The following WDPCP variants were observed in gnomAD, a reference collection of about 807,000 sequenced individuals.
WDPCP encodes the protein WD repeat containing planar cell polarity effector.
Under a neutral mutation model 93.1 loss-of-function variants are expected in WDPCP, and 71 were observed. That is an observed-to-expected ratio of 0.76 (90% CI 0.63 to 0.93). WDPCP has a LOEUF of 0.93. Among genes scored for constraint, WDPCP ranks in the 40% least tolerant of loss-of-function variants. WDPCP has a pLI of 0.00. For synonymous variants in WDPCP, 315 were observed against 315.0 expected (o/e 1.00, Z 0.00); for missense variants, 844 against 887.4 (o/e 0.95, Z 0.62).
chr2:63,763,404 G>T (rs187597101), intron 2 of WDPCP, among the ~76,000 whole-genome samples: 169 of 151,628 alleles, frequency 1.1e-3, no homozygotes, highest in African/African-American at 4.0e-3. Flanking sequence ...TCAGGAGGCT[G>T]AGGCAGAGAA....
intron 12 of WDPCP, among the ~76,000 whole-genome samples, chr2:63,370,567 A>G (rs904756127): frequency 6.6e-6 from 1 of 150,988 alleles, no homozygotes; most frequent in African/African-American, 2.4e-5. Context: ...AAAAAGGACT[A>G]AAAAAAAACA....
intron 3 of WDPCP, among the ~76,000 whole-genome samples, chr2:63,640,359 C>T (rs1709967869): frequency 6.6e-6 from 1 of 152,116 alleles, no homozygotes; most frequent in Non-Finnish European, 1.5e-5. Flanking sequence ...CTGCATGTAG[C>T]AGTGTTCCCC....
chr2:63,381,533 G>C (rs1692308537), intron 11 of WDPCP, among the ~76,000 whole-genome samples: 1 of 152,102 alleles, frequency 6.6e-6, no homozygotes, highest in Admixed American at 6.6e-5. Context: ...TCTAATGTGA[G>C]GGAGGAATAA....
intron 1 of WDPCP, among the ~76,000 whole-genome samples, chr2:63,574,211 C>A (rs996612417): frequency 5.3e-5 from 8 of 152,152 alleles, no homozygotes; most frequent in Non-Finnish European, 1.0e-4. Flanking sequence ...TAATAAAAAC[C>A]TGCTGGTTTT....
At chr2:63,395,113 C>A (rs1408952664) in intron 10 of WDPCP, among the ~76,000 whole-genome samples, 1 of 152,128 alleles carries the variant, frequency 6.6e-6, no homozygotes, top group Non-Finnish European at 1.5e-5. Flanking sequence ...GAAATACATA[C>A]TAACGTTGAA....
intron 2 of WDPCP, among the ~76,000 whole-genome samples, chr2:63,492,413 G>A (rs1317056328): frequency 1.3e-5 from 2 of 150,676 alleles, no homozygotes; most frequent in Admixed American, 6.6e-5. Flanking sequence ...TAGCTATCCT[G>A]TAAATATTTA....
At chr2:63,205,066 T>A (rs1481154130) in intron 14 of WDPCP, among the ~76,000 whole-genome samples, 2 of 152,212 alleles carry the variant, frequency 1.3e-5, no homozygotes, top group African/African-American at 2.4e-5. Context: ...CATATGGATA[T>A]CCAGTTTTCC....
At chr2:63,214,316 T>G (rs1039396031) in intron 14 of WDPCP, among the ~76,000 whole-genome samples, 5 of 152,110 alleles carry the variant, frequency 3.3e-5, no homozygotes, top group African/African-American at 1.2e-4. Context: ...GGCTGGTTCA[T>G]TATATGCAAA....
chr2:63,243,453 C>A (rs1277975078), intron 14 of WDPCP, among the ~76,000 whole-genome samples: 2 of 151,992 alleles, frequency 1.3e-5, no homozygotes, highest in East Asian at 3.9e-4. Flanking sequence ...AGTTTGTGAA[C>A]ATCTCCCATT....
intron 9 of WDPCP, among the ~76,000 whole-genome samples, chr2:63,424,272 G>A (rs1026419122): frequency 6.0e-5 from 9 of 150,856 alleles, no homozygotes; most frequent in African/African-American, 2.2e-4. Flanking sequence ...GTGGGAGAGG[G>A]GGTGTGCGTC....
At chr2:63,345,350 G>A (rs558956275) in intron 12 of WDPCP, among the ~76,000 whole-genome samples, 1 of 152,242 alleles carries the variant, frequency 6.6e-6, no homozygotes, top group East Asian at 1.9e-4. Context: ...ACTTTAGTTG[G>A]GCAACTTTGG....
chr2:63,240,924 T>A (rs1203342669), intron 14 of WDPCP, among the ~76,000 whole-genome samples: 1 of 152,206 alleles, frequency 6.6e-6, no homozygotes, highest in East Asian at 1.9e-4. Context: ...ACAACTTGTT[T>A]TGGAATATAG....
chr2:63,635,487 T>C (rs111505129), intron 3 of WDPCP, among the ~76,000 whole-genome samples: 5 of 152,058 alleles, frequency 3.3e-5, no homozygotes, highest in African/African-American at 1.2e-4. Flanking sequence ...TACTAGCAAA[T>C]TGAATTCAAT....
At chr2:63,404,993 TAAGA>T (rs1351107516) in intron 9 of WDPCP, among the ~76,000 whole-genome samples, 1 of 152,166 alleles carries the variant, frequency 6.6e-6, no homozygotes, top group Non-Finnish European at 1.5e-5. Flanking sequence ...ACATAAAAAC[TAAGA>T]AAGTCAGCTT....
Position 63,643,950 on chromosome 2 carries a change from T to C in WDPCP, n.488+6709A>G, listed in dbSNP as rs978973136. 11 of 493,168 alleles carry C rather than the reference T, an allele frequency of 2.2e-5. No homozygotes were observed. In the Middle Eastern group the frequency reaches 2.6e-3, roughly 115 times the overall value. The allele number at this position is 493,168 out of a possible 1,614,324, so 30.5% of individuals were successfully genotyped here. A position where few individuals can be genotyped will look rare whatever the true frequency, so the allele number is the denominator to read the frequency against. On this transcript the variant is annotated intron_variant and non_coding_transcript_variant, in intron 3 of 4. Transcript: ENST00000467687. The stretch of plus-strand genomic sequence containing the variant: ...TACTTTCTCAACTTGTGGGAACCAG[T>C]GGATGGATGAGGAGTAAACACACCA...
chr2:63,220,972 G>A (rs920659484), intron 14 of WDPCP, among the ~76,000 whole-genome samples: 49 of 152,222 alleles, frequency 3.2e-4, no homozygotes, highest in Non-Finnish European at 5.6e-4. Flanking sequence ...TTCTGTTCCT[G>A]CATTAGTTTG....
rs146043628 is a variant in WDPCP, at chr2:63,148,379, G to A, written c.2190+4535C>T. ...TTTTGAGACAGAGTCTCATTCTGTC[G>A]CCCAGGCTGGAGTGCGGTGGCATGA... On this transcript the variant is annotated intron_variant, in intron 17 of 17. Transcript: ENST00000272321. 1.4e-4 allele frequency among the ~76,000 whole-genome samples: 22 copies of A among 152,122 alleles called. No homozygotes were observed. In the East Asian group the frequency reaches 3.1e-3, roughly 21 times the overall value.
At chr2:63,576,976 A>G (rs1218585083) in intron 1 of WDPCP, among the ~76,000 whole-genome samples, 1 of 152,214 alleles carries the variant, frequency 6.6e-6, no homozygotes, top group Non-Finnish European at 1.5e-5. Flanking sequence ...AGTCTTCACT[A>G]TAAGGTAGTT....
intron 7 of WDPCP, chr2:63,438,134 AC>A: frequency 8.0e-6 from 5 of 623,616 alleles, no homozygotes; most frequent in South Asian, 7.9e-5. Flanking sequence ...CAGCTTTGTC[AC>A]CAAAGCACAC....
Sources: allele counts gnomAD v4.1 joint callset (sites outside exome capture counted in the v4.1 genomes callset), GRCh38; gene constraint gnomAD v4.1.1; transcripts MANE v1.5; gene names NCBI Gene and HGNC (gene_info 2026-07-23, HGNC 2026-07-21).